Variants in LPXN observed in about 807,000 individuals in gnomAD.
LPXN encodes the protein leupaxin.
In LPXN, 28 loss-of-function variants were observed where a neutral mutation model predicts 45.6. The ratio of observed to expected loss-of-function variants is 0.61; its 90% CI spans 0.45 to 0.84. The LOEUF (loss-of-function observed/expected upper bound fraction) is 0.84, where lower values mean the gene tolerates loss of function less well. Among genes scored for constraint, LPXN ranks in the 40% least tolerant of loss-of-function variants. The pLI is 0.00. For synonymous variants in LPXN, 166 were observed against 169.9 expected (o/e 0.98, Z 0.18); for missense variants, 459 against 475.0 (o/e 0.97, Z 0.31).
intron 4 of LPXN, among the ~76,000 whole-genome samples, chr11:58,554,370 T>TA (rs1854140397): frequency 6.6e-6 from 1 of 152,010 alleles, no homozygotes; most frequent in Non-Finnish European, 1.5e-5. Context: ...CATCAAGCCT[T>TA]AGATACCTCT....
At chr11:58,578,051 G>T, upstream of LPXN, 2 of 1,550,382 alleles carry the variant, frequency 1.3e-6, no homozygotes, top group Non-Finnish European at 1.7e-6. Context: ...AGACATGAAC[G>T]CTGGCTAGCC....
At chr11:58,544,700 C>T (rs1248224198) in intron 7 of LPXN, among the ~76,000 whole-genome samples, 1 of 152,084 alleles carries the variant, frequency 6.6e-6, no homozygotes, top group Non-Finnish European at 1.5e-5. Context: ...GACCAATTAC[C>T]TCTAGAGGAA....
At chr11:58,570,455 T>C (rs1040952506) in intron 2 of LPXN, 101 bp downstream of exon 2, 1 of 845,134 alleles carries the variant, frequency 1.2e-6, no homozygotes, top group African/African-American at 1.7e-5. Flanking sequence ...CTTTCTTGGA[T>C]ATATTATTCT....
chr11:58,530,942 G>A (rs775093723), intron 7 of LPXN, among the ~76,000 whole-genome samples: 9 of 152,304 alleles, frequency 5.9e-5, no homozygotes, highest in Middle Eastern at 3.4e-3. Context: ...GCAAACTCCC[G>A]TGGACTTGTA....
At chr11:58,557,323 C>T (rs1854234872) in intron 3 of LPXN, among the ~76,000 whole-genome samples, 1 of 151,870 alleles carries the variant, frequency 6.6e-6, no homozygotes, top group African/African-American at 2.4e-5. Flanking sequence ...GGATGGACAC[C>T]AATGGAATAA....
At chr11:58,554,961 A>C (rs749387689) in intron 3 of LPXN, 21 bp from the exon 4 acceptor site, 1 of 1,494,884 alleles carries the variant, frequency 6.7e-7, no homozygotes, top group African/African-American at 1.4e-5. Context: ...AAAACAAAAA[A>C]GTCATATGAA....
At chr11:58,578,236 A>C, upstream of LPXN, 1 of 662,812 alleles carries the variant, frequency 1.5e-6, no homozygotes, top group Non-Finnish European at 2.4e-6. Context: ...ACGCGTCGCG[A>C]CCTAACCCGG....
At chr11:58,534,184 T>A (rs1415658932) in intron 7 of LPXN, among the ~76,000 whole-genome samples, 1 of 152,212 alleles carries the variant, frequency 6.6e-6, no homozygotes, top group East Asian at 1.9e-4. Flanking sequence ...CTGATAGACA[T>A]CTATACAACT....
intron 7 of LPXN, among the ~76,000 whole-genome samples, chr11:58,539,415 C>A (rs1245200776): frequency 6.6e-6 from 1 of 152,116 alleles, no homozygotes; most frequent in East Asian, 1.9e-4. Context: ...TTTTAAATAT[C>A]CTCAATGAAG....
chr11:58,578,485 C>T (rs1854986333), upstream of LPXN, among the ~76,000 whole-genome samples: 1 of 152,204 alleles, frequency 6.6e-6, no homozygotes, highest in Non-Finnish European at 1.5e-5. Flanking sequence ...CGTTTTGCCG[C>T]CGCCATTTTT....
chr11:58,558,645 C>A (rs541417329), intron 3 of LPXN, among the ~76,000 whole-genome samples: 1 of 151,232 alleles, frequency 6.6e-6, no homozygotes, highest in East Asian at 1.9e-4. Flanking sequence ...CAGGCTCCTG[C>A]ACCTAAAAGA....
intron 8 of LPXN, 57 bp from the exon 9 acceptor site, chr11:58,527,780 G>T: frequency 3.9e-6 from 6 of 1,529,882 alleles, no homozygotes; most frequent in Non-Finnish European, 5.3e-6. Flanking sequence ...TAAAATGTCA[G>T]CAAAGTAAAA....
chr11:58,548,543 A>G (rs1853943029), intron 7 of LPXN, among the ~76,000 whole-genome samples: 1 of 152,220 alleles, frequency 6.6e-6, no homozygotes, highest in Non-Finnish European at 1.5e-5. Context: ...CTTAGTGATA[A>G]GTACAATAAA....
At chr11:58,573,255 AAAAAAAG>A (rs1351504928) in intron 1 of LPXN, among the ~76,000 whole-genome samples, 1 of 151,728 alleles carries the variant, frequency 6.6e-6, no homozygotes, top group African/African-American at 2.4e-5. Context: ...TCAAAAAAAA[AAAAAAAG>A]AAAAGAAAAG....
chr11:58,546,513 C>T (rs1853880313), intron 7 of LPXN, among the ~76,000 whole-genome samples: 1 of 152,106 alleles, frequency 6.6e-6, no homozygotes. Context: ...CCCCCATCCC[C>T]TTTTTCAATC....
intron 5 of LPXN, 111 bp downstream of exon 5, chr11:58,550,954 T>G (rs1339284255): frequency 4.8e-6 from 5 of 1,032,436 alleles, no homozygotes; most frequent in Non-Finnish European, 6.7e-6. Context: ...AAGTGATTAG[T>G]AATTATTAAT....
At position 58,528,047 on chromosome 11, in the gene LPXN, CA is replaced by C; in HGVS notation, c.886del (p.Cys296ValfsTer64). On this transcript the variant is annotated frameshift_variant, in exon 8 of 9. Coordinates refer to ENST00000395074, the MANE Select transcript of LPXN (RefSeq NM_004811.3). LOFTEE classifies it high-confidence loss of function. ...DTVWHPECFV[C>X]GDCFTSFSTG... is the part of the protein sequence containing the mutation. ...AAGAAAAGTGATTATACAGACCCCA[CA>C]AACAAAGCACTCTGGGTGCCAGACA... 1 of 1,613,872 alleles carries C rather than the reference CA, an allele frequency of 6.2e-7. No individual in the cohort carries two copies. Among genetic ancestry groups the C allele is most frequent in the South Asian group, 1.1e-5 (1 of 91,030 alleles).
At chr11:58,541,331 A>T (rs1445319901) in intron 7 of LPXN, among the ~76,000 whole-genome samples, 1 of 152,224 alleles carries the variant, frequency 6.6e-6, no homozygotes, top group African/African-American at 2.4e-5. Context: ...ATGAACTCAA[A>T]CAAATTTACA....
chr11:58,561,567 A>C (rs749185500), intron 3 of LPXN, among the ~76,000 whole-genome samples: 21 of 152,214 alleles, frequency 1.4e-4, no homozygotes, highest in Non-Finnish European at 2.2e-4. Flanking sequence ...GATCAGTCAT[A>C]ATCCTTTCGT....
Sources: allele counts gnomAD v4.1 joint callset (sites outside exome capture counted in the v4.1 genomes callset), GRCh38; gene constraint gnomAD v4.1.1; transcripts MANE v1.5; gene names NCBI Gene and HGNC (gene_info 2026-07-23, HGNC 2026-07-21).